The following PPM1A variants were observed in gnomAD, a reference collection of about 807,000 sequenced individuals.
PPM1A encodes the protein protein phosphatase, Mg2+/Mn2+ dependent 1A.
Under a neutral mutation model 35.0 loss-of-function variants are expected in PPM1A, and 7 were observed. That is an observed-to-expected ratio of 0.20 (90% confidence interval 0.11 to 0.38). The LOEUF (loss-of-function observed/expected upper bound fraction) is 0.38. Among genes scored for constraint, PPM1A ranks in the 10% least tolerant of loss-of-function variants. PPM1A has a pLI of 1.00. For synonymous variants in PPM1A, 153 were observed against 167.3 expected (o/e 0.91, Z 0.66); for missense variants, 239 against 467.8 (o/e 0.51, Z 4.51).
At chr14:60,291,609 G>A (rs1170327172) in intron 5 of PPM1A, among the ~76,000 whole-genome samples, 155 bp downstream of exon 5, 1 of 151,966 alleles carries the variant, frequency 6.6e-6, no homozygotes, top group African/African-American at 2.4e-5. Context: ...ATCTCTGCCT[G>A]CACCACAGTT....
rs1165089084 is a variant in PPM1A at position 60,282,247 on chromosome 14, T to C, written c.-20-437T>C. Reference sequence around the variant, plus strand: ...AAAACTAGGGAGTTTGGAATCAAGCTTGAAAATTCCTGAATGTTCAACCAA... The same window carrying C: ...AAAACTAGGGAGTTTGGAATCAAGCCTGAAAATTCCTGAATGTTCAACCAA... On this transcript the variant is annotated intron_variant, in intron 1 of 5. Coordinates refer to ENST00000395076, the MANE Select transcript of PPM1A (RefSeq NM_021003.5). This position sits in a 1 kb window ranked among gnomAD's most constrained non-coding sequence, Gnocchi z 5.1. Among the ~76,000 whole-genome samples, 2 of 144,770 alleles carry C rather than the reference T, an allele frequency of 1.4e-5. No individual in the cohort carries two copies. The highest frequency in any genetic ancestry group is 5.6e-5 in the African/African-American group (2 of 35,734). The allele number at this position is 144,770 out of a possible 152,430, so 95.0% of individuals were successfully genotyped here. A position where few individuals can be genotyped will look rare whatever the true frequency, so the allele number is the denominator to read the frequency against.
intron 1 of PPM1A, among the ~76,000 whole-genome samples, chr14:60,263,984 A>T: frequency 6.7e-6 from 1 of 149,514 alleles, no homozygotes. Flanking sequence ...AAAGAGTTTC[A>T]TTTTCCTTTT....
At chr14:60,266,544 T>G (rs758967891) in intron 1 of PPM1A, among the ~76,000 whole-genome samples, 2 of 152,172 alleles carry the variant, frequency 1.3e-5, no homozygotes, top group Non-Finnish European at 2.9e-5. Context: ...TAAGGTGTGA[T>G]GTTGAAGGGA....
rs577282639 is a variant in PPM1A, at chr14:60,273,217, C to A, written c.-20-9467C>A. 7.2e-5 allele frequency among the ~76,000 whole-genome samples: 11 copies of A among 152,008 alleles called. No homozygotes were observed. Among genetic ancestry groups the A allele is most frequent in the Non-Finnish European group, 1.3e-4 (9 of 68,016 alleles). ...TTAATGATTTACTGTATACTCTGTG[C>A]TTGGGGAGTTGACCTAGGGAACTCA... On this transcript the variant is annotated intron_variant, in intron 1 of 5. Coordinates refer to ENST00000395076, the MANE Select transcript of PPM1A (RefSeq NM_021003.5). The surrounding 1 kb of genome is among the most constrained non-coding windows in gnomAD (Gnocchi z 4.3).
At chr14:60,287,361 A>G (rs868344209) in intron 3 of PPM1A, 41 of 981,988 alleles carry the variant, frequency 4.2e-5, no homozygotes, top group Middle Eastern at 1.0e-3. Context: ...GTACCATTCA[A>G]TTGGAGATTG....
intron 1 of PPM1A, among the ~76,000 whole-genome samples, chr14:60,271,601 G>A (rs1885121079): frequency 6.6e-6 from 1 of 152,118 alleles, no homozygotes; most frequent in African/African-American, 2.4e-5. Context: ...GGATTGCTAG[G>A]GACTCGAGAA....
chr14:60,276,210 A>G (rs1190471752), intron 1 of PPM1A, among the ~76,000 whole-genome samples: 1 of 152,190 alleles, frequency 6.6e-6, no homozygotes, highest in Non-Finnish European at 1.5e-5. Context: ...AGCAGTAGAG[A>G]GTTTACGCTC....
chr14:60,289,037 G>A lies in PPM1A; in HGVS notation c.953-769G>A, dbSNP rs1308954476. Among the ~76,000 whole-genome samples, 1 of 152,050 alleles carries A rather than the reference G, an allele frequency of 6.6e-6. No homozygotes were observed. Among genetic ancestry groups the A allele is most frequent in the East Asian group, 1.9e-4 (1 of 5,194 alleles). ...TAGTATGCATCTGCATGACAACACT[G>A]CAGATCATATTGCTGTGCCCTTTTA... On this transcript the variant is annotated intron_variant, in intron 3 of 5. Transcript: ENST00000395076. The surrounding 1 kb of genome is among the most constrained non-coding windows in gnomAD (Gnocchi z 4.1).
chr14:60,289,828 A>C lies in PPM1A; in HGVS notation c.975A>C (p.Glu325Asp). Residue 325 changes from glutamate (E) to aspartate (D), a missense_variant, in exon 4 of 6, where the codon GAA becomes GAC. Around this residue, in one of 2 missense-constraint regions of PPM1A, gnomAD observed 64 missense variants for 78.6 expected, o/e 0.81. Coordinates refer to ENST00000395076, the MANE Select transcript of PPM1A (RefSeq NM_021003.5). This position sits in a 1 kb window ranked among gnomAD's most constrained non-coding sequence, Gnocchi z 4.1. Reference protein sequence around the residue: ...RVEEIIKKQGEGVPDLVHVMR... With the variant: ...RVEEIIKKQGDGVPDLVHVMR... ...CAGAAATCATAAAGAAGCAGGGGGA[A>C]GGCGTCCCCGACTTAGTCCATGTGA... is the stretch of plus-strand genomic sequence containing the variant. The C allele has an allele frequency of 6.2e-7, 1 of 1,609,746 alleles. No individual in the cohort carries two copies. The highest frequency in any genetic ancestry group is 8.5e-7 in the Non-Finnish European group (1 of 1,178,538).
chr14:60,298,806 G>A lies in PPM1A; in HGVS notation c.*6324G>A, dbSNP rs949894945. On this transcript the variant is annotated 3_prime_UTR_variant, in exon 6 of 6. Coordinates refer to ENST00000395076, the MANE Select transcript of PPM1A (RefSeq NM_021003.5). ...CAGAAATATTTTTCTTAAATACAAT[G>A]TGTAACAAAATTCTCCGTAGCAACT... 1.3e-5 allele frequency: 2 copies of A among 151,776 alleles called. No individual in the cohort carries two copies. Among genetic ancestry groups the A allele is most frequent in the African/African-American group, 2.4e-5 (1 of 41,380 alleles). 9.4% of individuals were successfully genotyped at this position (151,776 alleles called of 1,614,324 possible). A position where few individuals can be genotyped will look rare whatever the true frequency, so the allele number is the denominator to read the frequency against.
intron 1 of PPM1A, chr14:60,268,321 GA>G (rs1034179962): frequency 6.4e-3 from 4,725 of 734,426 alleles, no homozygotes; most frequent in Non-Finnish European, 7.0e-3. Flanking sequence ...AGCACTAATT[GA>G]AAAAAAAAAA....
At chr14:60,277,929 A>G (rs1885938628) in intron 1 of PPM1A, among the ~76,000 whole-genome samples, 1 of 152,198 alleles carries the variant, frequency 6.6e-6, no homozygotes, top group Non-Finnish European at 1.5e-5. Context: ...TTGCTCCCTC[A>G]TCCTAGTTAA....
intron 1 of PPM1A, among the ~76,000 whole-genome samples, chr14:60,274,545 A>G (rs1160456360): frequency 3.3e-5 from 5 of 151,644 alleles, no homozygotes; most frequent in Non-Finnish European, 7.4e-5. Context: ...AAAAACTGTC[A>G]TTTAAGACTC....
intron 3 of PPM1A, chr14:60,287,536 G>A: frequency 1.0e-6 from 1 of 985,318 alleles, no homozygotes; most frequent in Non-Finnish European, 1.2e-6. Flanking sequence ...TTCCAAAGCA[G>A]GCACCTGAAT....
chr14:60,283,560 C>A lies in PPM1A; in HGVS notation c.834+23C>A. ...AAGGTAGCTAGACTTTTTTTAAAAA[C>A]ATAAAATGATTTTATGCCATATTAA... On this transcript the variant is annotated intron_variant, in intron 2 of 5. Transcript: ENST00000395076. The surrounding 1 kb of genome is among the most constrained non-coding windows in gnomAD (Gnocchi z 6.3). 1.3e-6 allele frequency: 2 copies of A among 1,576,014 alleles called. No homozygotes were observed. Among genetic ancestry groups the A allele is most frequent in the Admixed American group, 1.9e-5 (1 of 52,868 alleles).
chr14:60,251,227 A>T (rs1430952962), intron 1 of PPM1A, among the ~76,000 whole-genome samples: 2 of 152,256 alleles, frequency 1.3e-5, no homozygotes, highest in African/African-American at 4.8e-5. Context: ...GTTGCCTAAG[A>T]CATTTTAATT....
chr14:60,249,280 A>G lies in PPM1A; in HGVS notation c.-418A>G. The G allele has an allele frequency of 1.0e-6, 1 of 966,538 alleles. No individual in the cohort carries two copies. The highest frequency in any genetic ancestry group is 4.7e-5 in the South Asian group (1 of 21,392). The allele number at this position is 966,538 out of a possible 1,614,324, so 59.9% of individuals were successfully genotyped here. ...ACGGGAGCGCGCGCGGGAGCTAGAG[A>G]GCAGTGGTCTCGGCGCTCGTCCGGC... is the stretch of plus-strand genomic sequence containing the variant. On this transcript the variant is annotated 5_prime_UTR_variant, in exon 1 of 6. Coordinates refer to ENST00000395076, the MANE Select transcript of PPM1A (RefSeq NM_021003.5). This position sits in a 1 kb window ranked among gnomAD's most constrained non-coding sequence, Gnocchi z 4.5.
At chr14:60,284,492 A>T (rs1331692986) in intron 2 of PPM1A, among the ~76,000 whole-genome samples, 1 of 151,940 alleles carries the variant, frequency 6.6e-6, no homozygotes, top group East Asian at 1.9e-4. Context: ...AACACAAAAA[A>T]TTAGCCGGGT....
chr14:60,255,591 A>T (rs1883023925), intron 1 of PPM1A, among the ~76,000 whole-genome samples: 1 of 152,228 alleles, frequency 6.6e-6, no homozygotes, highest in Non-Finnish European at 1.5e-5. Flanking sequence ...TGCTTTATGG[A>T]TAGTAGACAT....
Sources: allele counts gnomAD v4.1 joint callset (sites outside exome capture counted in the v4.1 genomes callset), GRCh38; gene constraint gnomAD v4.1.1; regional missense constraint gnomAD v4.1.1; non-coding constraint Gnocchi (gnomAD v3.1); transcripts MANE v1.5; gene names NCBI Gene and HGNC (gene_info 2026-07-23, HGNC 2026-07-21).